TRPV5: variants seen among roughly 807,000 people sequenced by gnomAD.
TRPV5 encodes transient receptor potential cation channel subfamily V member 5, also known as calcium transport protein 2.
In TRPV5, 66 loss-of-function variants were observed where a neutral mutation model predicts 74.1. The observed-to-expected ratio is 0.89, with a 90% CI of 0.73 to 1.09. TRPV5 has a LOEUF of 1.09. Among genes scored for constraint, TRPV5 ranks in the 50% least tolerant of loss-of-function variants. The pLI is 0.00. For missense variants in TRPV5, 936 were observed against 930.4 expected (o/e 1.01, Z -0.08); for synonymous variants, 399 against 360.7 (o/e 1.11, Z -1.20).
chr7:142,922,361 A>G (rs1795899908), intron 8 of TRPV5, among the ~76,000 whole-genome samples: 1 of 152,162 alleles, frequency 6.6e-6, no homozygotes, highest in South Asian at 2.1e-4. Context: ...AGAAATTTGA[A>G]CTCCCTGCTG....
At chr7:142,915,445 T>C (rs1418998560) in intron 9 of TRPV5, 37 bp downstream of exon 9, 64 of 1,611,882 alleles carry the variant, frequency 4.0e-5, no homozygotes, top group Non-Finnish European at 5.3e-5. Context: ...GGGCCTTAGA[T>C]GGGATGGGAT....
chr7:142,923,608 G>A (rs536815894), intron 8 of TRPV5, among the ~76,000 whole-genome samples: 1 of 152,174 alleles, frequency 6.6e-6, no homozygotes, highest in African/African-American at 2.4e-5. Context: ...AGCTGAAGTG[G>A]CTTTCACTGA....
Position 142,933,515 on chromosome 7 carries a change from T to A in TRPV5, c.-56A>T. On this transcript the variant is annotated 5_prime_UTR_variant, in exon 1 of 15. Transcript: ENST00000265310. ...AGAAATGTGGCGAAAGAAACAGGTC[T>A]AGGATGACAGCAACTGAGCAAGAGA... 6.3e-7 allele frequency: 1 copy of A among 1,580,130 alleles called. No homozygotes were observed. The highest frequency in any genetic ancestry group is 8.6e-7 in the Non-Finnish European group (1 of 1,164,610).
Position 142,933,593 on chromosome 7 carries a change from A to G in TRPV5, c.-134T>C. The stretch of plus-strand genomic sequence containing the variant: ...AGTTTATCTCCTGTATGACTTGTGT[A>G]TGCAGCATGCAGCTTGTAGGTGTGT... On this transcript the variant is annotated 5_prime_UTR_variant, in exon 1 of 15. Transcript: ENST00000265310. 8.4e-7 allele frequency: 1 copy of G among 1,196,088 alleles called. No individual in the cohort carries two copies. The highest frequency in any genetic ancestry group is 2.4e-5 in the East Asian group (1 of 42,434). The allele number at this position is 1,196,088 out of a possible 1,614,324, so 74.1% of individuals were successfully genotyped here. A position where few individuals can be genotyped will look rare whatever the true frequency, so the allele number is the denominator to read the frequency against.
At chr7:142,914,753 T>C (rs1795763047) in intron 11 of TRPV5, 47 bp from the exon 12 acceptor site, 4 of 1,610,454 alleles carry the variant, frequency 2.5e-6, no homozygotes, top group African/African-American at 1.3e-5. Flanking sequence ...CCTTTTCCAC[T>C]GCTTTTGAGC....
At chr7:142,924,097 G>C (rs1031518775) in intron 8 of TRPV5, among the ~76,000 whole-genome samples, 1 of 151,234 alleles carries the variant, frequency 6.6e-6, no homozygotes, top group Non-Finnish European at 1.5e-5. Context: ...CAACTTTTGC[G>C]GCCAGACTGA....
At chr7:142,922,420 G>A (rs908664142) in intron 8 of TRPV5, among the ~76,000 whole-genome samples, 1 of 152,200 alleles carries the variant, frequency 6.6e-6, no homozygotes. Context: ...CCTAAGACTG[G>A]AAAGGCAGAG....
chr7:142,912,566 C>A lies in TRPV5; in HGVS notation c.1704G>T (p.Leu568=). ...TGGCGATGAACAAGTTGAGCATGAG[C>A]AGTGTGGCAATGATGGTGAAGGCGA... is the stretch of plus-strand genomic sequence containing the variant. ...VNFAFTIIAT[L]LMLNLFIAMM... Residue 568 remains leucine (L), a synonymous_variant, in exon 13 of 15, where the codon CTG becomes CTT. Transcript: ENST00000265310. 6.2e-7 allele frequency: 1 copy of A among 1,614,130 alleles called. No individual in the cohort carries two copies. Among genetic ancestry groups the A allele is most frequent in the Admixed American group, 1.7e-5 (1 of 60,030 alleles).
chr7:142,928,894 C>T (rs765335603), intron 5 of TRPV5, 28 bp from the exon 6 acceptor site: 8 of 1,612,726 alleles, frequency 5.0e-6, no homozygotes, highest in Middle Eastern at 1.6e-4. Context: ...TATCATGTGG[C>T]CACTGGCCTA....
At chr7:142,919,989 G>A (rs1047298378) in intron 8 of TRPV5, among the ~76,000 whole-genome samples, 1 of 152,162 alleles carries the variant, frequency 6.6e-6, no homozygotes, top group African/African-American at 2.4e-5. Flanking sequence ...GAGCTTCTCC[G>A]ATTCCCTAAC....
chr7:142,915,414 A>G (rs1199557144), intron 9 of TRPV5, 31 bp from the exon 10 acceptor site: 2 of 1,609,344 alleles, frequency 1.2e-6, no homozygotes, highest in South Asian at 1.1e-5. Context: ...CAAAAATACA[A>G]TGTGGACTGC....
At chr7:142,914,607 G>A (rs761807116) in intron 12 of TRPV5, 33 bp downstream of exon 12, 1 of 1,577,888 alleles carries the variant, frequency 6.3e-7, no homozygotes, top group Non-Finnish European at 8.7e-7. Flanking sequence ...AACTAGATCT[G>A]CTGATCTAGT....
intron 4 of TRPV5, 58 bp from the exon 5 acceptor site, chr7:142,929,178 A>T (rs1193694752): frequency 1.9e-4 from 298 of 1,584,290 alleles, no homozygotes; most frequent in Non-Finnish European, 1.7e-5. Flanking sequence ...TGGGGTGGGC[A>T]GTCTCCCCCA....
intron 8 of TRPV5, among the ~76,000 whole-genome samples, chr7:142,921,434 A>C (rs1297719431): frequency 6.6e-6 from 1 of 152,010 alleles, no homozygotes; most frequent in East Asian, 1.9e-4. Flanking sequence ...GGTGCTCACC[A>C]CCATGCCTGG....
intron 8 of TRPV5, among the ~76,000 whole-genome samples, chr7:142,924,097 G>A (rs1031518775): frequency 2.0e-5 from 3 of 151,234 alleles, no homozygotes; most frequent in Admixed American, 6.6e-5. Context: ...CAACTTTTGC[G>A]GCCAGACTGA....
intron 8 of TRPV5, among the ~76,000 whole-genome samples, chr7:142,919,601 T>C (rs956679946): frequency 2.6e-5 from 4 of 152,180 alleles, no homozygotes; most frequent in South Asian, 4.1e-4. Flanking sequence ...CATCTAACAA[T>C]GACTGGAATT....
Position 142,909,540 on chromosome 7 carries a change from G to T in TRPV5, c.1845C>A (p.Arg615=), listed in dbSNP as rs1032836226. The T allele has an allele frequency of 4.6e-5, 75 of 1,613,986 alleles. No individual in the cohort carries two copies. The highest frequency in any genetic ancestry group is 6.4e-5 in the Non-Finnish European group (75 of 1,180,038). The stretch of plus-strand genomic sequence containing the variant: ...CGAATTCGCACCCACAGATCCCGGA[G>T]CGAGGCCACAGGCAGCGAGGCAGCT... ...ERKLPRCLWP[R]SGICGCEFGL... Residue 615 remains arginine, a synonymous_variant, in exon 14 of 15, where the codon CGC becomes CGA. Transcript: ENST00000265310.
chr7:142,912,802 T>C, intron 12 of TRPV5, 52 bp from the exon 13 acceptor site: 1 of 1,582,036 alleles, frequency 6.3e-7, no homozygotes, highest in Non-Finnish European at 8.6e-7. Context: ...GTTATCACAA[T>C]AAGCATGGAC....
rs1245292065 is a variant in TRPV5 at position 142,933,491 on chromosome 7, GA to G, written c.-33del. ...TCCTTGCAGACACTGGCAGATTATA[GA>G]AATGTGGCGAAAGAAACAGGTCTAG... On this transcript the variant is annotated 5_prime_UTR_variant, in exon 1 of 15. Coordinates refer to ENST00000265310, the MANE Select transcript of TRPV5 (RefSeq NM_019841.7). 1 of 1,601,618 alleles carries G rather than the reference GA, an allele frequency of 6.2e-7. No homozygotes were observed. Among genetic ancestry groups the G allele is most frequent in the South Asian group, 1.1e-5 (1 of 88,854 alleles).
Sources: gnomAD v4.1 joint callset for allele counts (sites outside exome capture counted in the v4.1 genomes callset) on GRCh38, gnomAD v4.1.1 for gene constraint, MANE v1.5 for transcripts, NCBI Gene and HGNC (gene_info 2026-07-23, HGNC 2026-07-21) for gene names.